Variants in CRISPLD2 observed in about 807,000 individuals in gnomAD.
The protein encoded by CRISPLD2 is cysteine rich secretory protein LCCL domain containing 2.
CRISPLD2 carries 47 observed loss-of-function variants against 71.1 expected under a neutral mutation model. The ratio of observed to expected loss-of-function variants is 0.66; its 90% CI spans 0.52 to 0.84. The LOEUF is 0.84. Among genes scored for constraint, CRISPLD2 ranks in the 40% least tolerant of loss-of-function variants. The pLI, the probability that CRISPLD2 is intolerant of heterozygous loss-of-function variation, is 0.00. For missense variants in CRISPLD2, 830 were observed against 651.1 expected (o/e 1.27, Z -2.99); for synonymous variants, 317 against 250.1 (o/e 1.27, Z -2.52).
intron 6 of CRISPLD2, among the ~76,000 whole-genome samples, chr16:84,863,903 G>A (rs1216028280): frequency 7.3e-6 from 1 of 136,146 alleles, no homozygotes; most frequent in Non-Finnish European, 1.5e-5. Flanking sequence ...GTTGCAGTGA[G>A]CCGAGATCAC....
At chr16:84,855,947 A>C (rs1157065855) in intron 6 of CRISPLD2, among the ~76,000 whole-genome samples, 2 of 152,254 alleles carry the variant, frequency 1.3e-5, no homozygotes, top group Non-Finnish European at 2.9e-5. Context: ...TTTTCTTAGT[A>C]CAAGTGTATA....
rs527830976 is a variant in CRISPLD2, at chr16:84,843,866, C to A, written c.241-1920C>A. Among the ~76,000 whole-genome samples, 630 of 152,234 alleles carry A rather than the reference C, an allele frequency of 4.1e-3. 4 individuals carry two copies. Among genetic ancestry groups the A allele is most frequent in the Non-Finnish European group, 4.1e-3 (281 of 68,016 alleles). On this transcript the variant is annotated intron_variant, in intron 2 of 14. Coordinates refer to ENST00000262424, the MANE Select transcript of CRISPLD2 (RefSeq NM_031476.4). ...CATGCTACTTAACCTCTCCAAGACTCAAGGTTTGTTGCCCCTTGGCTGTTG... is the reference window on the plus strand; with the variant it reads ...CATGCTACTTAACCTCTCCAAGACTAAAGGTTTGTTGCCCCTTGGCTGTTG...
At chr16:84,827,710 G>A (rs11648092) in intron 1 of CRISPLD2, among the ~76,000 whole-genome samples, 11,436 of 152,054 alleles carry the variant, frequency 0.075, 536 homozygotes, top group Non-Finnish European at 0.11. Flanking sequence ...GGGACTACAG[G>A]CATGTGCCAC....
At chr16:84,834,070 C>T (rs545393796) in intron 1 of CRISPLD2, among the ~76,000 whole-genome samples, 9 of 152,192 alleles carry the variant, frequency 5.9e-5, no homozygotes, top group African/African-American at 1.7e-4. Context: ...AGCTGCGTTC[C>T]GGCTCCAGAC....
chr16:84,833,787 G>A (rs943656458), intron 1 of CRISPLD2, among the ~76,000 whole-genome samples: 8 of 152,162 alleles, frequency 5.3e-5, no homozygotes, highest in African/African-American at 1.9e-4. Context: ...CGTCTCCCAT[G>A]GGGGTGACAC....
chr16:84,845,966 C>A, intron 3 of CRISPLD2, 62 bp downstream of exon 3: 1 of 1,038,044 alleles, frequency 9.6e-7, no homozygotes, highest in Non-Finnish European at 1.5e-6. Context: ...CCGGGCTCAG[C>A]ACTTGTGCCC....
intron 14 of CRISPLD2, among the ~76,000 whole-genome samples, chr16:84,891,945 C>T (rs1351755994): frequency 6.6e-6 from 1 of 152,220 alleles, no homozygotes; most frequent in Non-Finnish European, 1.5e-5. Flanking sequence ...TCACTGGTGC[C>T]TTCTGTACTC....
intron 10 of CRISPLD2, chr16:84,873,423 A>T (rs534007693): frequency 2.8e-5 from 5 of 177,110 alleles, no homozygotes; most frequent in Non-Finnish European, 5.8e-5. Flanking sequence ...GGTTGCAGTG[A>T]GCTAAGATAG....
intron 12 of CRISPLD2, among the ~76,000 whole-genome samples, chr16:84,880,083 G>T (rs1326492122): frequency 6.6e-6 from 1 of 152,070 alleles, no homozygotes; most frequent in African/African-American, 2.4e-5. Flanking sequence ...CGAGGTGAGG[G>T]CCCTCCACCC....
chr16:84,849,397 G>C lies in CRISPLD2; in HGVS notation c.372G>C (p.Pro124=), dbSNP rs140214661. Residue 124 remains proline, a synonymous_variant, in exon 4 of 15, where the codon CCG becomes CCC. Coordinates refer to ENST00000262424, the MANE Select transcript of CRISPLD2 (RefSeq NM_031476.4). Reference sequence around the variant, plus strand: ...TTCTGCCCTGCAGGTATCGCTCTCCGGGGTTCCATGTGCAGTCCTGGTATG... The same window carrying C: ...TTCTGCCCTGCAGGTATCGCTCTCCCGGGTTCCATGTGCAGTCCTGGTATG... ...LGAHWGRYRS[P]GFHVQSWYDE... 188 of 1,613,580 alleles carry C rather than the reference G, an allele frequency of 1.2e-4. No homozygotes were observed. The African/African-American group carries it at 2.4e-3, about 21-fold the overall frequency.
At chr16:84,837,675 C>T (rs921223554) in intron 1 of CRISPLD2, among the ~76,000 whole-genome samples, 2 of 152,184 alleles carry the variant, frequency 1.3e-5, no homozygotes, top group Non-Finnish European at 2.9e-5. Flanking sequence ...CCTCGGCCTC[C>T]CAAAGTGCTG....
intron 4 of CRISPLD2, 109 bp from the exon 5 acceptor site, chr16:84,850,459 C>G (rs543506488): frequency 3.6e-6 from 3 of 828,966 alleles, no homozygotes; most frequent in African/African-American, 3.3e-5. Flanking sequence ...TTCCCCAACC[C>G]TTCACCTCGT....
At chr16:84,897,400 A>G (rs1175745050) in intron 14 of CRISPLD2, among the ~76,000 whole-genome samples, 1 of 151,988 alleles carries the variant, frequency 6.6e-6, no homozygotes, top group East Asian at 1.9e-4. Flanking sequence ...GGCTACAGTG[A>G]GTGGAGATTG....
intron 2 of CRISPLD2, among the ~76,000 whole-genome samples, chr16:84,844,459 G>A (rs999899396): frequency 2.6e-5 from 4 of 152,036 alleles, no homozygotes; most frequent in Non-Finnish European, 5.9e-5. Flanking sequence ...TCCATCTCTG[G>A]CACTTTCTTT....
intron 8 of CRISPLD2, among the ~76,000 whole-genome samples, chr16:84,870,348 C>G (rs1318511249): frequency 6.7e-6 from 1 of 150,356 alleles, no homozygotes; most frequent in Admixed American, 6.6e-5. Flanking sequence ...GAGTTGGAGT[C>G]TTGCTCTGTC....
At chr16:84,834,933 T>C (rs1041529068) in intron 1 of CRISPLD2, among the ~76,000 whole-genome samples, 5 of 152,246 alleles carry the variant, frequency 3.3e-5, no homozygotes, top group Admixed American at 3.3e-4. Context: ...CGTCTCCAAA[T>C]ACATTGCATT....
chr16:84,847,261 A>G (rs1916939238), intron 3 of CRISPLD2, among the ~76,000 whole-genome samples: 1 of 152,196 alleles, frequency 6.6e-6, no homozygotes, highest in African/African-American at 2.4e-5. Flanking sequence ...TTTTCAGGAC[A>G]AACCTGGGCA....
At chr16:84,889,479 C>T in intron 14 of CRISPLD2, 116 bp downstream of exon 14, 1 of 1,118,056 alleles carries the variant, frequency 8.9e-7, no homozygotes, top group Non-Finnish European at 1.2e-6. Context: ...GGTAGACTTG[C>T]ACGAATTCTT....
chr16:84,872,530 C>G, intron 9 of CRISPLD2, 22 bp downstream of exon 9: 1 of 1,597,196 alleles, frequency 6.3e-7, no homozygotes, highest in Non-Finnish European at 8.6e-7. Flanking sequence ...CAGTCCTCCT[C>G]TCAATGGCTT....
Sources: allele counts gnomAD v4.1 joint callset (sites outside exome capture counted in the v4.1 genomes callset), GRCh38; gene constraint gnomAD v4.1.1; transcripts MANE v1.5; gene names NCBI Gene and HGNC (gene_info 2026-07-23, HGNC 2026-07-21).